The following SNTG2 variants were observed in gnomAD, a reference collection of about 807,000 sequenced individuals.
The protein encoded by SNTG2 is syntrophin gamma 2, also known as gamma-2-syntrophin.
Under a neutral mutation model 70.9 loss-of-function variants are expected in SNTG2, and 74 were observed. That is an observed-to-expected ratio of 1.04 (90% confidence interval 0.86 to 1.27). The LOEUF (loss-of-function observed/expected upper bound fraction) is 1.27. Among genes scored for constraint, SNTG2 ranks in the 50% most tolerant of loss-of-function variants. The pLI is 0.00. For synonymous variants in SNTG2, 278 were observed against 273.8 expected (o/e 1.02, Z -0.15); for missense variants, 717 against 690.7 (o/e 1.04, Z -0.43).
chr2:1,096,926 T>C (rs1426165557), intron 2 of SNTG2, among the ~76,000 whole-genome samples: 5 of 152,150 alleles, frequency 3.3e-5, no homozygotes, highest in African/African-American at 4.8e-5. Context: ...CTGTTCACAG[T>C]ATCTGGAATA....
At chr2:1,023,628 C>A (rs572203970) in intron 1 of SNTG2, among the ~76,000 whole-genome samples, 4 of 152,150 alleles carry the variant, frequency 2.6e-5, no homozygotes, top group Non-Finnish European at 1.5e-5. Flanking sequence ...CCTTTGTGGG[C>A]CCACTCAGAC....
At chr2:1,211,478 T>C (rs1005285173) in intron 9 of SNTG2, among the ~76,000 whole-genome samples, 2 of 152,302 alleles carry the variant, frequency 1.3e-5, no homozygotes, top group African/African-American at 2.4e-5. Context: ...TCTCTACTTG[T>C]ATTAGTCCAT....
In SNTG2 at chr2:965,400, G is replaced by A. The variant is rs1238038692; in HGVS notation, c.72+14332G>A. 2.0e-5 allele frequency among the ~76,000 whole-genome samples: 3 copies of A among 146,554 alleles called. No individual in the cohort carries two copies. The Admixed American group carries it at 2.1e-4, about 10-fold the overall frequency. Reference sequence around the variant, plus strand: ...TCCTGGTCCCCAGTCCTCCTCCTTGGACCCTTGTTTCTCCTCCTTGATCCC... The same window carrying A: ...TCCTGGTCCCCAGTCCTCCTCCTTGAACCCTTGTTTCTCCTCCTTGATCCC... On this transcript the variant is annotated intron_variant, in intron 1 of 16. Coordinates refer to ENST00000308624, the MANE Select transcript of SNTG2 (RefSeq NM_018968.4).
intron 6 of SNTG2, among the ~76,000 whole-genome samples, chr2:1,140,778 T>C (rs1668698985): frequency 6.6e-6 from 1 of 152,044 alleles, no homozygotes. Flanking sequence ...AGAAAATCAC[T>C]TCTAGTCTAA....
intron 15 of SNTG2, among the ~76,000 whole-genome samples, chr2:1,314,879 T>G (rs970723864): frequency 6.6e-6 from 1 of 151,978 alleles, no homozygotes. Flanking sequence ...AACCATCAGA[T>G]CATGTGAGAC....
chr2:1,129,108 A>T (rs1272831008), intron 4 of SNTG2, among the ~76,000 whole-genome samples: 1 of 152,208 alleles, frequency 6.6e-6, no homozygotes, highest in Non-Finnish European at 1.5e-5. Flanking sequence ...TTCAGAAAGT[A>T]CCAAAAGTGA....
intron 9 of SNTG2, among the ~76,000 whole-genome samples, chr2:1,230,534 A>G (rs561704151): frequency 4.6e-5 from 7 of 152,270 alleles, no homozygotes; most frequent in African/African-American, 1.4e-4. Flanking sequence ...GTCGAGGCCA[A>G]TTGGTTGGTC....
intron 1 of SNTG2, among the ~76,000 whole-genome samples, chr2:1,070,271 G>A (rs1052075842): frequency 6.6e-6 from 1 of 152,050 alleles, no homozygotes; most frequent in African/African-American, 2.4e-5. Context: ...ACAGGTAGAT[G>A]TGGGACATTG....
chr2:955,647 A>C (rs189964376), intron 1 of SNTG2, among the ~76,000 whole-genome samples: 6 of 152,358 alleles, frequency 3.9e-5, no homozygotes, highest in Admixed American at 6.5e-5. Flanking sequence ...TGTGTAGTTC[A>C]TAAATTATTA....
At chr2:1,333,510 T>C (rs1659640757) in intron 16 of SNTG2, among the ~76,000 whole-genome samples, 1 of 152,052 alleles carries the variant, frequency 6.6e-6, no homozygotes, top group Non-Finnish European at 1.5e-5. Context: ...AAAACAAATT[T>C]GGAGGTATCA....
intron 1 of SNTG2, among the ~76,000 whole-genome samples, chr2:970,731 G>A (rs1345815384): frequency 3.3e-5 from 5 of 149,670 alleles, no homozygotes; most frequent in Admixed American, 6.7e-5. Context: ...ATAAACATAC[G>A]TGTGCATGTG....
intron 14 of SNTG2, among the ~76,000 whole-genome samples, chr2:1,301,729 CT>C (rs1394087753): frequency 6.6e-6 from 1 of 152,074 alleles, no homozygotes; most frequent in Admixed American, 6.6e-5. Context: ...ACACAGAAGA[CT>C]TTATCCACTT....
Position 1,197,507 on chromosome 2 carries a change from GTATATATA to G in SNTG2, c.592-11594_592-11587del, listed in dbSNP as rs1213631871. On this transcript the variant is annotated intron_variant, in intron 8 of 16. Coordinates refer to ENST00000308624, the MANE Select transcript of SNTG2 (RefSeq NM_018968.4). ...TATATGTGTATGTATATATGTGTAT[GTATATATA>G]TGTGTGTGTGTGTGTGTGTGTGTGT... Among the ~76,000 whole-genome samples the G allele has an allele frequency of 9.0e-4, 70 of 78,098 alleles. 1 individual carries two copies. The highest frequency in any genetic ancestry group is 2.0e-3 in the Admixed American group (11 of 5,516). The allele number at this position is 78,098 out of a possible 152,430, so 51.2% of individuals were successfully genotyped here.
intron 1 of SNTG2, among the ~76,000 whole-genome samples, chr2:1,049,682 T>C (rs1481478999): frequency 6.6e-6 from 1 of 152,214 alleles, no homozygotes; most frequent in African/African-American, 2.4e-5. Context: ...CTGGATGATA[T>C]GGTGAAACTA....
At chr2:1,211,249 TC>T (rs1276691085) in intron 9 of SNTG2, among the ~76,000 whole-genome samples, 1 of 152,196 alleles carries the variant, frequency 6.6e-6, no homozygotes, top group Non-Finnish European at 1.5e-5. Context: ...GGCATGTATC[TC>T]TCTTGACAAA....
intron 1 of SNTG2, among the ~76,000 whole-genome samples, chr2:1,065,906 A>C (rs1028489091): frequency 5.9e-5 from 9 of 152,192 alleles, no homozygotes; most frequent in Admixed American, 5.9e-4. Flanking sequence ...TTTTGTTGCC[A>C]AATGAAGATA....
intron 16 of SNTG2, among the ~76,000 whole-genome samples, chr2:1,320,727 G>A (rs993414043): frequency 6.6e-6 from 1 of 151,862 alleles, no homozygotes; most frequent in Non-Finnish European, 1.5e-5. Context: ...GGAAGCAAAT[G>A]TTATTGAATG....
At chr2:963,351 A>G (rs1210662341) in intron 1 of SNTG2, among the ~76,000 whole-genome samples, 5 of 151,960 alleles carry the variant, frequency 3.3e-5, no homozygotes, top group East Asian at 3.9e-4. Context: ...CAGCATGCTC[A>G]AAAAAGTTAA....
At chr2:1,020,921 T>A (rs528654689) in intron 1 of SNTG2, among the ~76,000 whole-genome samples, 2 of 152,336 alleles carry the variant, frequency 1.3e-5, no homozygotes, top group East Asian at 3.9e-4. Context: ...TTAATGATGA[T>A]CCTTCTGAGT....
Sources: allele counts gnomAD v4.1 joint callset (sites outside exome capture counted in the v4.1 genomes callset), GRCh38; gene constraint gnomAD v4.1.1; transcripts MANE v1.5; gene names NCBI Gene and HGNC (gene_info 2026-07-23, HGNC 2026-07-21).